Variants in RFC1 observed in about 807,000 individuals in gnomAD.
RFC1 encodes A1 140 kDa subunit.
In RFC1, 37 loss-of-function variants were observed where a neutral mutation model predicts 137.4. The ratio of observed to expected loss-of-function variants is 0.27; its 90% CI spans 0.21 to 0.35. RFC1 has a LOEUF of 0.35. Among genes scored for constraint, RFC1 ranks in the 10% least tolerant of loss-of-function variants. RFC1 has a pLI of 1.00. For missense variants in RFC1, 1,205 were observed against 1,358.5 expected, an observed-to-expected ratio of 0.89 and a Z score of 1.78; for synonymous variants, 429 against 455.7, an observed-to-expected ratio of 0.94 and a Z score of 0.75.
Position 39,312,620 on chromosome 4 carries a change from GA to G in RFC1, c.1383+131del, listed in dbSNP as rs1309232138. 1.0e-5 allele frequency: 9 copies of G among 872,658 alleles called. No individual in the cohort carries two copies. The African/African-American group carries it at 1.5e-4, about 15-fold the overall frequency. 54.1% of individuals were successfully genotyped at this position (872,658 alleles called of 1,614,324 possible). On this transcript the variant is annotated intron_variant, in intron 11 of 24. Transcript: ENST00000349703. ...GAGCCAATAACACTTCTGTGGAGAAGAAATAATGTAGGCAAGAAATTACTTT... is the reference window on the plus strand; with the variant it reads ...GAGCCAATAACACTTCTGTGGAGAAGAATAATGTAGGCAAGAAATTACTTT...
chr4:39,327,586 A>C lies in RFC1; in HGVS notation c.502T>G (p.Tyr168Asp). The stretch of plus-strand genomic sequence containing the variant: ...CTTTGGACACTTCCAGTTCCAAAAT[A>C]ATCAAGTACTGATGTGGGTGTAAGT... Reference protein sequence around the residue: ...IKLTPTSVLDYFGTGSVQRSN... With the variant: ...IKLTPTSVLDDFGTGSVQRSN... Residue 168 changes from tyrosine to aspartate, a missense_variant, in exon 5 of 25, where the codon TAT (tyrosine) becomes GAT (aspartate). Transcript: ENST00000349703. The C allele has an allele frequency of 6.2e-7, 1 of 1,613,686 alleles. No individual in the cohort carries two copies. Among genetic ancestry groups the C allele is most frequent in the African/African-American group, 1.3e-5 (1 of 75,020 alleles).
At chr4:39,304,477 G>T (rs979429969) in intron 15 of RFC1, among the ~76,000 whole-genome samples, 1 of 152,104 alleles carries the variant, frequency 6.6e-6, no homozygotes, top group Admixed American at 6.5e-5. Context: ...GCAGAGTGAG[G>T]TTAATAAGGT....
chr4:39,351,287 T>G (rs550430142), intron 2 of RFC1, 61 bp downstream of exon 2: 10 of 549,700 alleles, frequency 1.8e-5, no homozygotes, highest in African/African-American at 1.4e-4. Flanking sequence ...AAAAAAAAAC[T>G]TATAAGAACT....
chr4:39,366,005 G>A (rs1406728026), intron 1 of RFC1, among the ~76,000 whole-genome samples: 13 of 152,204 alleles, frequency 8.5e-5, no homozygotes, highest in Non-Finnish European at 1.3e-4. Context: ...GAAAGTGCAA[G>A]TACACGTAGC....
intron 4 of RFC1, among the ~76,000 whole-genome samples, chr4:39,340,399 CA>C (rs1409981591): frequency 6.6e-6 from 1 of 152,136 alleles, no homozygotes; most frequent in Non-Finnish European, 1.5e-5. Flanking sequence ...AACTATTACA[CA>C]AATATTGGGA....
intron 4 of RFC1, among the ~76,000 whole-genome samples, chr4:39,335,252 T>C (rs570929049): frequency 7.4e-4 from 113 of 152,324 alleles, no homozygotes; most frequent in Admixed American, 1.3e-3. Flanking sequence ...ATCATTTTGG[T>C]TTCAGAGACA....
At chr4:39,305,842 A>G (rs1738619579) in intron 14 of RFC1, among the ~76,000 whole-genome samples, 1 of 152,206 alleles carries the variant, frequency 6.6e-6, no homozygotes, top group East Asian at 1.9e-4. Context: ...TGTAGGGACT[A>G]GGAAAAAAAT....
chr4:39,303,942 T>C (rs1738502353), intron 15 of RFC1, among the ~76,000 whole-genome samples: 1 of 152,198 alleles, frequency 6.6e-6, no homozygotes, highest in African/African-American at 2.4e-5. Flanking sequence ...ACTATCCTTA[T>C]CTATATGGCA....
intron 2 of RFC1, among the ~76,000 whole-genome samples, chr4:39,350,480 C>A (rs1006615534): frequency 2.0e-5 from 3 of 152,194 alleles, no homozygotes; most frequent in Non-Finnish European, 2.9e-5. Context: ...TTAAAAAATT[C>A]TTTAATGAAC....
intron 4 of RFC1, 115 bp downstream of exon 4, chr4:39,342,230 A>T (rs1740634059): frequency 1.6e-6 from 2 of 1,240,414 alleles, no homozygotes; most frequent in Admixed American, 2.6e-5. Context: ...ATAACTCAAC[A>T]AAGCAAAAAG....
intron 13 of RFC1, 70 bp from the exon 14 acceptor site, chr4:39,306,771 T>C (rs375882416): frequency 1.8e-5 from 15 of 843,260 alleles, no homozygotes; most frequent in African/African-American, 1.0e-4. Flanking sequence ...ATGGCAGAAA[T>C]AGTTATGCCT....
At chr4:39,345,806 A>G (rs890672478) in intron 2 of RFC1, among the ~76,000 whole-genome samples, 1 of 152,182 alleles carries the variant, frequency 6.6e-6, no homozygotes, top group Admixed American at 6.5e-5. Flanking sequence ...GTCAATGTCT[A>G]GAAACATTTT....
At chr4:39,314,345 C>T (rs924460758) in intron 10 of RFC1, among the ~76,000 whole-genome samples, 5 of 152,162 alleles carry the variant, frequency 3.3e-5, no homozygotes, top group African/African-American at 1.2e-4. Flanking sequence ...GCCCCTATAT[C>T]CCATATCCCA....
Position 39,326,618 on chromosome 4 carries a change from G to A in RFC1, c.587C>T (p.Ser196Phe). Residue 196 changes from serine to phenylalanine, a missense_variant, in exon 6 of 25, where the codon TCT becomes TTT. By Grantham distance (155) the Ser-to-Phe change is radical (BLOSUM62 -2). Coordinates refer to ENST00000349703, the MANE Select transcript of RFC1 (RefSeq NM_002913.5). Reference sequence around the variant, plus strand: ...GGCGATGGCTTCATCATTTAATCCAGACTCATCTGTATTTTGTGAAAGCTA... The same window carrying A: ...GGCGATGGCTTCATCATTTAATCCAAACTCATCTGTATTTTGTGAAAGCTA... The part of the protein sequence containing the change: ...RKELSQNTDE[S>F]GLNDEAIAKQ... 3 of 1,612,748 alleles carry A rather than the reference G, an allele frequency of 1.9e-6. No homozygotes were observed. The highest frequency in any genetic ancestry group is 2.5e-6 in the Non-Finnish European group (3 of 1,179,098).
intron 13 of RFC1, 58 bp from the exon 14 acceptor site, chr4:39,306,759 G>A (rs1738688794): frequency 3.1e-6 from 3 of 972,744 alleles, no homozygotes; most frequent in Non-Finnish European, 5.0e-6. Context: ...AGAAATTCAA[G>A]CATGGCAGAA....
chr4:39,291,698 T>C lies in RFC1; in HGVS notation c.3109A>G (p.Ile1037Val), dbSNP rs756247646. 4 of 1,614,186 alleles carry C rather than the reference T, an allele frequency of 2.5e-6. No individual in the cohort carries two copies. In the South Asian group the frequency reaches 4.4e-5, roughly 18 times the overall value. The change falls in exon 23 of 25, where the codon ATC becomes GTC. Residue 1037 changes from isoleucine to valine, a missense_variant. This residue lies in a region of RFC1 where 237 missense variants were observed against 304.2 expected (regional missense o/e 0.78). Coordinates refer to ENST00000349703, the MANE Select transcript of RFC1 (RefSeq NM_002913.5). The part of the protein sequence containing the change: ...YYLMKEDFEN[I>V]MEISSWGGKP... ...CCACCCCAGCTGCTGATTTCCATGA[T>C]ATTCTCAAAGTCTTCTTTCATCAAA... is the stretch of plus-strand genomic sequence containing the variant.
chr4:39,289,823 TCCTGTCTGTGG>T lies in RFC1; in HGVS notation c.3360+14_3360+24del. The stretch of plus-strand genomic sequence containing the variant: ...GGAAAGATCATCTATTTTGAGGTTC[TCCTGTCTGTGG>T]CTTAAAATACTACCTTGATCATGGC... On this transcript the variant is annotated intron_variant, in intron 24 of 24. Transcript: ENST00000349703. 6.6e-7 allele frequency: 1 copy of T among 1,525,046 alleles called. No individual in the cohort carries two copies. The highest frequency in any genetic ancestry group is 9.1e-7 in the Non-Finnish European group (1 of 1,099,162). The allele number at this position is 1,525,046 out of a possible 1,614,324, so 94.5% of individuals were successfully genotyped here.
chr4:39,350,464 C>T (rs1362706063), intron 2 of RFC1, among the ~76,000 whole-genome samples: 1 of 151,914 alleles, frequency 6.6e-6, no homozygotes, highest in African/African-American at 2.4e-5. Context: ...TGCTGAAAAC[C>T]AAAAATTAAA....
At chr4:39,343,604 G>A (rs991791804) in intron 3 of RFC1, among the ~76,000 whole-genome samples, 1 of 152,168 alleles carries the variant, frequency 6.6e-6, no homozygotes, top group Non-Finnish European at 1.5e-5. Context: ...TATAAATCCT[G>A]TCACACTGTA....
Sources: gnomAD v4.1 joint callset for allele counts (sites outside exome capture counted in the v4.1 genomes callset) on GRCh38, gnomAD v4.1.1 for gene constraint, gnomAD v4.1.1 regional missense constraint, MANE v1.5 for transcripts, NCBI Gene and HGNC (gene_info 2026-07-23, HGNC 2026-07-21) for gene names.